Variants in STK32C observed in about 807,000 individuals in gnomAD.
STK32C encodes serine/threonine kinase 32C.
Under a neutral mutation model 56.5 loss-of-function variants are expected in STK32C, and 31 were observed. The observed-to-expected ratio is 0.55, with a 90% confidence interval of 0.41 to 0.74. The LOEUF (loss-of-function observed/expected upper bound fraction) is 0.74, where lower values mean the gene tolerates loss of function less well. Ranked by LOEUF, STK32C falls within the 30% of genes least tolerant of loss-of-function variation. The pLI is 0.00. For missense variants in STK32C, 544 were observed against 676.9 expected, an observed-to-expected ratio of 0.80 and a Z score of 2.18; for synonymous variants, 309 against 289.4, an observed-to-expected ratio of 1.07 and a Z score of -0.69.
upstream of STK32C, among the ~76,000 whole-genome samples, chr10:132,309,491 C>T (rs975459563): frequency 1.3e-5 from 2 of 152,200 alleles, no homozygotes; most frequent in African/African-American, 2.4e-5. Flanking sequence ...AACCAGCCAC[C>T]GCAGCTCTCC....
At chr10:132,330,725 G>A (rs2066663462) in intron 1 of STK32C, among the ~76,000 whole-genome samples, 1 of 146,602 alleles carries the variant, frequency 6.8e-6, no homozygotes, top group Non-Finnish European at 1.5e-5. Flanking sequence ...GCCCAGGCTG[G>A]TCTCCAACTC....
At chr10:132,326,586 G>A (rs1029991958) in intron 1 of STK32C, among the ~76,000 whole-genome samples, 21 of 152,268 alleles carry the variant, frequency 1.4e-4, no homozygotes, top group African/African-American at 5.1e-4. Flanking sequence ...GCGTCCCCAA[G>A]TGCTGGGATT....
chr10:132,330,032 G>A (rs895946534), intron 1 of STK32C, among the ~76,000 whole-genome samples: 2 of 152,224 alleles, frequency 1.3e-5, no homozygotes, highest in Non-Finnish European at 2.9e-5. Context: ...AACAAGGAAC[G>A]CGGCACCAGC....
chr10:132,253,370 G>C (rs2063975652), intron 1 of STK32C, among the ~76,000 whole-genome samples: 1 of 151,384 alleles, frequency 6.6e-6, no homozygotes, highest in African/African-American at 2.4e-5. Flanking sequence ...AGAGTCAAGG[G>C]AGCCTGGGGA....
intron 8 of STK32C, among the ~76,000 whole-genome samples, chr10:132,223,714 C>T (rs1403919238): frequency 6.6e-6 from 1 of 152,182 alleles, no homozygotes; most frequent in African/African-American, 2.4e-5. Flanking sequence ...GGAGGCCCCA[C>T]CTGCCTGAGA....
intron 10 of STK32C, among the ~76,000 whole-genome samples, chr10:132,210,197 G>A (rs186030765): frequency 5.5e-4 from 83 of 152,232 alleles, no homozygotes. Flanking sequence ...CCCAGCCAGG[G>A]CTAAGGGGAC....
intron 1 of STK32C, among the ~76,000 whole-genome samples, chr10:132,262,468 G>A (rs191651755): frequency 5.9e-5 from 9 of 152,190 alleles, no homozygotes; most frequent in African/African-American, 1.9e-4. Flanking sequence ...GCTTCTGCAC[G>A]GCAAGAGAAA....
At chr10:132,303,805 C>T (rs2065978019) in intron 1 of STK32C, among the ~76,000 whole-genome samples, 1 of 152,208 alleles carries the variant, frequency 6.6e-6, no homozygotes, top group Admixed American at 6.5e-5. Flanking sequence ...GGGGAAAAGG[C>T]GATCAAACCC....
chr10:132,318,466 T>G (rs2066348122), intron 1 of STK32C, among the ~76,000 whole-genome samples: 1 of 151,146 alleles, frequency 6.6e-6, no homozygotes, highest in South Asian at 2.1e-4. Context: ...AATACAAAAA[T>G]TAGCCAGGCA....
At chr10:132,322,351 G>A (rs575477095), downstream of STK32C, among the ~76,000 whole-genome samples, 4 of 152,270 alleles carry the variant, frequency 2.6e-5, no homozygotes, top group South Asian at 2.1e-4. Flanking sequence ...TGTAAGAGTC[G>A]CCAGTATCTT....
chr10:132,328,678 A>C (rs534233169), intron 1 of STK32C, among the ~76,000 whole-genome samples: 1 of 152,234 alleles, frequency 6.6e-6, no homozygotes, highest in Non-Finnish European at 1.5e-5. Context: ...TAAAAGTTAG[A>C]AGCAAGATGG....
chr10:132,241,959 A>G (rs562028344), intron 2 of STK32C, among the ~76,000 whole-genome samples: 1 of 152,190 alleles, frequency 6.6e-6, no homozygotes, highest in Non-Finnish European at 1.5e-5. Flanking sequence ...ATACAAAAAA[A>G]ATTAGCTGAG....
At chr10:132,266,358 CAGA>C (rs1391271800) in intron 1 of STK32C, among the ~76,000 whole-genome samples, 1 of 152,136 alleles carries the variant, frequency 6.6e-6, no homozygotes, top group African/African-American at 2.4e-5. Flanking sequence ...GAGAACTTTC[CAGA>C]AGGAGGACAA....
At chr10:132,218,375 TA>T (rs555819646) in intron 10 of STK32C, among the ~76,000 whole-genome samples, 2 of 151,806 alleles carry the variant, frequency 1.3e-5, no homozygotes, top group African/African-American at 2.4e-5. Context: ...CAGAGTAGAC[TA>T]AAAAAAAGAC....
intron 10 of STK32C, among the ~76,000 whole-genome samples, chr10:132,216,192 C>A (rs749442538): frequency 6.6e-6 from 1 of 152,104 alleles, no homozygotes; most frequent in Non-Finnish European, 1.5e-5. Flanking sequence ...TGGCTGGGCA[C>A]GGTGGCTCAC....
intron 1 of STK32C, among the ~76,000 whole-genome samples, chr10:132,300,163 G>A (rs1369646598): frequency 1.3e-5 from 2 of 152,248 alleles, no homozygotes; most frequent in African/African-American, 2.4e-5. Flanking sequence ...GAGTCATGAT[G>A]TGAATTCAAA....
At chr10:132,289,134 GT>G (rs2065495926) in intron 1 of STK32C, among the ~76,000 whole-genome samples, 1 of 152,150 alleles carries the variant, frequency 6.6e-6, no homozygotes, top group Admixed American at 6.5e-5. Flanking sequence ...AAACATACTG[GT>G]TTTTGACAAA....
chr10:132,225,929 G>A lies in STK32C; in HGVS notation c.645-145C>T, dbSNP rs997878972. 9.9e-5 allele frequency: 107 copies of A among 1,075,560 alleles called. 1 individual carries two copies. Among genetic ancestry groups the A allele is most frequent in the Non-Finnish European group, 1.0e-4 (73 of 721,774 alleles). 66.6% of individuals were successfully genotyped at this position (1,075,560 alleles called of 1,614,324 possible). Reference sequence around the variant, plus strand: ...TGGGAGCTTGACTTGGTCCTTGGATGATGCTAGGACCTCACACCCCTGCGT... The same window carrying A: ...TGGGAGCTTGACTTGGTCCTTGGATAATGCTAGGACCTCACACCCCTGCGT... On this transcript the variant is annotated intron_variant, in intron 4 of 11. Transcript: ENST00000298630.
At chr10:132,225,669 G>T (rs370902327) in intron 5 of STK32C, 53 bp from the exon 6 acceptor site, 25 of 1,608,878 alleles carry the variant, frequency 1.6e-5, no homozygotes, top group Non-Finnish European at 2.0e-5. Flanking sequence ...ATGCATCCTT[G>T]CGTGCAGGAT....
Sources: allele counts gnomAD v4.1 joint callset (sites outside exome capture counted in the v4.1 genomes callset), GRCh38; gene constraint gnomAD v4.1.1; transcripts MANE v1.5; gene names NCBI Gene and HGNC (gene_info 2026-07-23, HGNC 2026-07-21).